Variants in SLC11A2 observed in about 807,000 individuals in gnomAD.
The protein encoded by SLC11A2 is natural resistance-associated macrophage protein 2.
A neutral mutation model predicts 68.0 loss-of-function variants in SLC11A2; 38 were observed. That is an observed-to-expected ratio of 0.56 (90% CI 0.43 to 0.73). The LOEUF (loss-of-function observed/expected upper bound fraction) is 0.73, where lower values mean the gene tolerates loss of function less well. Among genes scored for constraint, SLC11A2 ranks in the 30% least tolerant of loss-of-function variants. SLC11A2 has a pLI of 0.00. For missense variants in SLC11A2, 517 were observed against 690.5 expected, an observed-to-expected ratio of 0.75 and a Z score of 2.82; for synonymous variants, 242 against 250.6, an observed-to-expected ratio of 0.97 and a Z score of 0.32.
downstream of SLC11A2, among the ~76,000 whole-genome samples, chr12:50,985,510 T>C (rs1032689975): frequency 3.3e-5 from 5 of 152,220 alleles, no homozygotes; most frequent in Non-Finnish European, 7.3e-5. Flanking sequence ...GCTCTGCCTT[T>C]GTTTTTAATA....
the SLC11A2 span, chr12:50,961,061 G>A: frequency 1.2e-6 from 2 of 1,613,208 alleles, no homozygotes; most frequent in Non-Finnish European, 1.7e-6. Context: ...ATTCACATGA[G>A]AGTTGCTGCC....
At chr12:51,011,301 T>C (rs1943203589) in intron 1 of SLC11A2, among the ~76,000 whole-genome samples, 1 of 151,834 alleles carries the variant, frequency 6.6e-6, no homozygotes, top group African/African-American at 2.4e-5. Flanking sequence ...GCCAATTTTT[T>C]GTATTTTTAG....
At chr12:51,020,804 A>T (rs1943991552) in intron 1 of SLC11A2, among the ~76,000 whole-genome samples, 1 of 152,198 alleles carries the variant, frequency 6.6e-6, no homozygotes, top group African/African-American at 2.4e-5. Flanking sequence ...TAGCAATTAC[A>T]TTGTATTAAG....
chr12:50,972,853 A>C, the SLC11A2 span, among the ~76,000 whole-genome samples: 23,142 of 152,216 alleles, frequency 0.15, 1,948 homozygotes, highest in South Asian at 0.26. Flanking sequence ...TATCCCGCGC[A>C]TGGCTCACAG....
chr12:50,973,728 T>A, the SLC11A2 span, among the ~76,000 whole-genome samples: 1 of 152,016 alleles, frequency 6.6e-6, no homozygotes, highest in Non-Finnish European at 1.5e-5. Flanking sequence ...CACAAAGAAG[T>A]TAAAAACCTT....
At chr12:51,026,153 C>T (rs1944369022) in intron 1 of SLC11A2, 157 bp downstream of exon 1, 1 of 1,157,256 alleles carries the variant, frequency 8.6e-7, no homozygotes, top group African/African-American at 1.7e-5. Context: ...GGCCTGAGGC[C>T]CTCCCTGGCC....
intron 5 of SLC11A2, among the ~76,000 whole-genome samples, chr12:51,003,673 G>A (rs533709245): frequency 3.3e-5 from 5 of 149,430 alleles, no homozygotes; most frequent in Non-Finnish European, 5.9e-5. Flanking sequence ...CATGCCTGTC[G>A]TCCCAGCACT....
chr12:50,962,238 C>T, the SLC11A2 span, among the ~76,000 whole-genome samples: 1 of 150,662 alleles, frequency 6.6e-6, no homozygotes, highest in African/African-American at 2.4e-5. Flanking sequence ...AAATTACACA[C>T]ACACACACAC....
At chr12:50,983,147 C>A (rs1005592980), downstream of SLC11A2, among the ~76,000 whole-genome samples, 1 of 152,046 alleles carries the variant, frequency 6.6e-6, no homozygotes, top group Non-Finnish European at 1.5e-5. Flanking sequence ...CTCAGCCTCC[C>A]AAGTAGCTAG....
chr12:50,992,749 A>G (rs1409838900), intron 12 of SLC11A2, 61 bp downstream of exon 12: 3 of 1,450,818 alleles, frequency 2.1e-6, no homozygotes, highest in East Asian at 2.3e-5. Flanking sequence ...AAAAAAAAGA[A>G]GAAGAAGAAG....
intron 6 of SLC11A2, 150 bp downstream of exon 6, chr12:51,000,163 G>C (rs1942080290): frequency 4.3e-6 from 3 of 692,734 alleles, no homozygotes; most frequent in Non-Finnish European, 7.8e-6. Context: ...ACATCTACCA[G>C]GGGAGAAGAA....
chr12:50,972,403 A>C, the SLC11A2 span, among the ~76,000 whole-genome samples: 1 of 152,250 alleles, frequency 6.6e-6, no homozygotes, highest in South Asian at 2.1e-4. Context: ...ACTATGTTTA[A>C]ATTAAAATGT....
chr12:50,998,915 A>G (rs923228206), intron 8 of SLC11A2, among the ~76,000 whole-genome samples: 1 of 152,100 alleles, frequency 6.6e-6, no homozygotes, highest in Non-Finnish European at 1.5e-5. Flanking sequence ...TCAACTTGGG[A>G]CCAAAGAATC....
the SLC11A2 span, among the ~76,000 whole-genome samples, chr12:50,952,724 G>A: frequency 2.6e-5 from 4 of 152,320 alleles, no homozygotes; most frequent in East Asian, 1.9e-4. Flanking sequence ...AGGTGAGCCC[G>A]GCGGGCTCTC....
downstream of SLC11A2, chr12:50,979,623 T>G: frequency 3.1e-6 from 1 of 322,528 alleles, no homozygotes; most frequent in Non-Finnish European, 6.1e-6. Flanking sequence ...GTCTCAGTTT[T>G]AAGATCAGAA....
chr12:50,960,191 C>G, the SLC11A2 span, among the ~76,000 whole-genome samples: 2 of 152,136 alleles, frequency 1.3e-5, no homozygotes, highest in African/African-American at 4.8e-5. Context: ...GCTTCTTGTG[C>G]ATATATTCAT....
chr12:51,013,158 CTT>C (rs1943364976), intron 1 of SLC11A2, among the ~76,000 whole-genome samples: 2 of 152,152 alleles, frequency 1.3e-5, no homozygotes, highest in Non-Finnish European at 2.9e-5. Context: ...ATCAATTAGT[CTT>C]GGGCTATTTG....
intron 15 of SLC11A2, 138 bp downstream of exon 15, chr12:50,990,657 G>A (rs1565986019): frequency 1.8e-5 from 15 of 824,632 alleles, no homozygotes; most frequent in Middle Eastern, 3.7e-4. Context: ...CAATCCTCCC[G>A]CCTCAGCCTC....
chr12:50,976,017 A>C (rs1443942014), downstream of SLC11A2, among the ~76,000 whole-genome samples: 2 of 152,204 alleles, frequency 1.3e-5, no homozygotes, highest in Non-Finnish European at 2.9e-5. Flanking sequence ...ACCAACCAAA[A>C]AAAGTCCAGG....
Sources: allele counts gnomAD v4.1 joint callset (sites outside exome capture counted in the v4.1 genomes callset), GRCh38; gene constraint gnomAD v4.1.1; transcripts MANE v1.5; gene names NCBI Gene and HGNC (gene_info 2026-07-23, HGNC 2026-07-21).